FOXO3B: variants seen among roughly 807,000 people sequenced by gnomAD.
The protein encoded by FOXO3B is forkhead box O3B.
In FOXO3B, 15 loss-of-function variants were observed where a neutral mutation model predicts 21.9. That is an observed-to-expected ratio of 0.68 (90% CI 0.46 to 1.05). The LOEUF (loss-of-function observed/expected upper bound fraction) is 1.05, where lower values mean the gene tolerates loss of function less well. FOXO3B is among the 50% of genes least tolerant of loss of function. The pLI is 0.00. For synonymous variants in FOXO3B, 135 were observed against 213.6 expected, an observed-to-expected ratio of 0.63 and a Z score of 3.21; for missense variants, 293 against 435.5, an observed-to-expected ratio of 0.67 and a Z score of 2.91.
rs2032295159 is a variant in FOXO3B, at chr17:18,667,791, T to C, written c.*4518A>G. 1 of 151,928 alleles carries C rather than the reference T, an allele frequency of 6.6e-6. No individual in the cohort carries two copies. 9.4% of individuals were successfully genotyped at this position (151,928 alleles called of 1,614,324 possible). Reference sequence around the variant, plus strand: ...GATCCCAAGAGCGCATGTCATGTTTTCAACATTAGGTACTCTTCTAATTTC... The same window carrying C: ...GATCCCAAGAGCGCATGTCATGTTTCCAACATTAGGTACTCTTCTAATTTC... On this transcript the variant is annotated 3_prime_UTR_variant, in exon 4 of 4. Coordinates refer to ENST00000395675, the MANE Select transcript of FOXO3B (RefSeq NM_001368135.1).
In FOXO3B at chr17:18,669,305, G is replaced by A. The variant is rs1296215631; in HGVS notation, c.*3004C>T. ...CAAGCATCAGCAAGAACTCAAGCAGGGAAGTCTGTGCTGAAATACTAGCCT... is the reference window on the plus strand; with the variant it reads ...CAAGCATCAGCAAGAACTCAAGCAGAGAAGTCTGTGCTGAAATACTAGCCT... On this transcript the variant is annotated 3_prime_UTR_variant, in exon 4 of 4. Coordinates refer to ENST00000395675, the MANE Select transcript of FOXO3B (RefSeq NM_001368135.1). The A allele has an allele frequency of 2.2e-5, 3 of 137,940 alleles. No homozygotes were observed. Among genetic ancestry groups the A allele is most frequent in the African/African-American group, 5.9e-5 (2 of 33,776 alleles). The allele number at this position is 137,940 out of a possible 1,614,324, so 8.5% of individuals were successfully genotyped here. A position where few individuals can be genotyped will look rare whatever the true frequency, so the allele number is the denominator to read the frequency against.
intron 3 of FOXO3B, among the ~76,000 whole-genome samples, chr17:18,678,458 T>A (rs1468358678): frequency 6.6e-6 from 1 of 151,854 alleles, no homozygotes; most frequent in Non-Finnish European, 1.5e-5. Context: ...GGAAGTAGCA[T>A]TACCTTTACA....
Position 18,670,885 on chromosome 17 carries a change from C to G in FOXO3B, c.*1424G>C. ...GTTTGAGGGTCTGCTTTGCCCACTT[C>G]CCCTTCCTCAGTGATCCTTCAGCCT... On this transcript the variant is annotated 3_prime_UTR_variant, in exon 4 of 4. Transcript: ENST00000395675. 1 of 1,583,438 alleles carries G rather than the reference C, an allele frequency of 6.3e-7. No individual in the cohort carries two copies. The highest frequency in any genetic ancestry group is 8.6e-7 in the Non-Finnish European group (1 of 1,164,400).
intron 3 of FOXO3B, among the ~76,000 whole-genome samples, chr17:18,675,787 T>C (rs1287767722): frequency 2.0e-5 from 3 of 152,098 alleles, no homozygotes; most frequent in Non-Finnish European, 4.4e-5. Flanking sequence ...ACAAAATTAG[T>C]TTTCCCATTT....
At position 18,668,978 on chromosome 17, in the gene FOXO3B, T is replaced by C. The variant is rs1181813880; in HGVS notation, c.*3331A>G. 1 of 152,222 alleles carries C rather than the reference T, an allele frequency of 6.6e-6. No homozygotes were observed. Among genetic ancestry groups the C allele is most frequent in the Non-Finnish European group, 1.5e-5 (1 of 68,024 alleles). 9.4% of individuals were successfully genotyped at this position (152,222 alleles called of 1,614,324 possible). A position where few individuals can be genotyped will look rare whatever the true frequency, so the allele number is the denominator to read the frequency against. ...TTTAAAAATGAAGATTATAAACATG[T>C]AGCAGTTTAGAAAAGGCAATGTGCT... On this transcript the variant is annotated 3_prime_UTR_variant, in exon 4 of 4. Coordinates refer to ENST00000395675, the MANE Select transcript of FOXO3B (RefSeq NM_001368135.1).
chr17:18,677,372 G>C (rs73981349), intron 3 of FOXO3B: 197,594 of 1,553,128 alleles, frequency 0.13, 18,451 homozygotes, highest in African/African-American at 0.34. Flanking sequence ...ATGGCGAGAT[G>C]TGCGTCAACG....
intron 3 of FOXO3B, among the ~76,000 whole-genome samples, chr17:18,680,050 AGGATGGT>A (rs2032557800): frequency 6.6e-6 from 1 of 152,062 alleles, no homozygotes; most frequent in South Asian, 2.1e-4. Context: ...CGTGTTAGCC[AGGATGGT>A]CTCAATCTCC....
chr17:18,670,898 G>A lies in FOXO3B; in HGVS notation c.*1411C>T. 2 of 1,574,994 alleles carry A rather than the reference G, an allele frequency of 1.3e-6. No individual in the cohort carries two copies. The highest frequency in any genetic ancestry group is 1.7e-6 in the Non-Finnish European group (2 of 1,159,530). ...CTTTGCCCACTTCCCCTTCCTCAGT[G>A]ATCCTTCAGCCTGGCACCCAGCTCT... On this transcript the variant is annotated 3_prime_UTR_variant, in exon 4 of 4. Coordinates refer to ENST00000395675, the MANE Select transcript of FOXO3B (RefSeq NM_001368135.1).
At chr17:18,677,325 T>C (rs775569111) in intron 3 of FOXO3B, 90 of 1,613,726 alleles carry the variant, frequency 5.6e-5, no homozygotes, top group Non-Finnish European at 7.5e-5. Context: ...CAAGGGCTAC[T>C]TCCTGACCAA....
At chr17:18,682,042 C>T in intron 1 of FOXO3B, 162 bp downstream of exon 1, 1 of 601,190 alleles carries the variant, frequency 1.7e-6, no homozygotes, top group African/African-American at 1.8e-5. Flanking sequence ...CCGCGTCCCC[C>T]GAGGAGAGGA....
chr17:18,681,477 C>T (rs1016917278), intron 2 of FOXO3B, 138 bp downstream of exon 2: 1 of 1,066,158 alleles, frequency 9.4e-7, no homozygotes, highest in African/African-American at 1.8e-5. Context: ...TCTTCAGTCT[C>T]ACTTAAAAAG....
At chr17:18,675,665 C>T (rs375794084) in intron 3 of FOXO3B, among the ~76,000 whole-genome samples, 1 of 152,044 alleles carries the variant, frequency 6.6e-6, no homozygotes, top group East Asian at 1.9e-4. Flanking sequence ...AGACAAGAAA[C>T]AGAACTAAGT....
intron 3 of FOXO3B, among the ~76,000 whole-genome samples, chr17:18,679,875 C>T (rs1178617617): frequency 1.3e-5 from 2 of 151,274 alleles, no homozygotes; most frequent in African/African-American, 2.4e-5. Context: ...GAGTTTCCCT[C>T]ATTGCCCAGG....
chr17:18,673,255 C>T (rs943595364), intron 3 of FOXO3B, among the ~76,000 whole-genome samples, 200 bp from the exon 4 acceptor site: 1 of 152,188 alleles, frequency 6.6e-6, no homozygotes, highest in African/African-American at 2.4e-5. Context: ...TGTGCTAACA[C>T]ATGACATGTT....
At chr17:18,674,604 A>C (rs1330193858) in intron 3 of FOXO3B, among the ~76,000 whole-genome samples, 6 of 146,140 alleles carry the variant, frequency 4.1e-5, no homozygotes, top group East Asian at 2.1e-4. Flanking sequence ...CCAGCCTGGG[A>C]AACAAAGCGA....
rs139465931 is a variant in FOXO3B, at chr17:18,670,702, A to G, written c.*1607T>C. On this transcript the variant is annotated 3_prime_UTR_variant, in exon 4 of 4. Coordinates refer to ENST00000395675, the MANE Select transcript of FOXO3B (RefSeq NM_001368135.1). ...GCATACTTTTTAGAGTTCTATTCCA[A>G]GGGTAAGTGCTTCACCCAGGGTAAG... Among the ~76,000 whole-genome samples the G allele has an allele frequency of 0.017, 2,530 of 152,210 alleles. 67 individuals are homozygous for G. The highest frequency in any genetic ancestry group is 0.054 in the African/African-American group (2,251 of 41,520).
Position 18,668,172 on chromosome 17 carries a change from T to G in FOXO3B, c.*4137A>C, listed in dbSNP as rs1890855298. On this transcript the variant is annotated 3_prime_UTR_variant, in exon 4 of 4. Coordinates refer to ENST00000395675, the MANE Select transcript of FOXO3B (RefSeq NM_001368135.1). ...CTACACAGGCTTCACTACCAGATTC[T>G]CAGCTGACCCTCTCCAGGGGCTGGT... 6.6e-6 allele frequency: 1 copy of G among 152,340 alleles called. No individual in the cohort carries two copies. The highest frequency in any genetic ancestry group is 2.1e-4 in the South Asian group (1 of 4,838). The allele number at this position is 152,340 out of a possible 1,614,324, so 9.4% of individuals were successfully genotyped here. A position where few individuals can be genotyped will look rare whatever the true frequency, so the allele number is the denominator to read the frequency against.
At chr17:18,677,652 T>C (rs544622321) in intron 3 of FOXO3B, 47,042 of 1,520,692 alleles carry the variant, frequency 0.031, 2,681 homozygotes, top group African/African-American at 0.12. Context: ...CCCAGGGGGC[T>C]TGGGAGGGGC....
At chr17:18,678,318 C>G (rs1007397628) in intron 3 of FOXO3B, among the ~76,000 whole-genome samples, 2 of 152,038 alleles carry the variant, frequency 1.3e-5, no homozygotes, top group African/African-American at 4.8e-5. Flanking sequence ...AATATTATTG[C>G]TGGGTTGGGT....
Sources: allele counts gnomAD v4.1 joint callset (sites outside exome capture counted in the v4.1 genomes callset), GRCh38; gene constraint gnomAD v4.1.1; transcripts MANE v1.5; gene names NCBI Gene and HGNC (gene_info 2026-07-23, HGNC 2026-07-21).